RALYL: variants seen among roughly 807,000 people sequenced by gnomAD.
The protein encoded by RALYL is RNA-binding Raly-like protein.
A neutral mutation model predicts 35.1 loss-of-function variants in RALYL; 29 were observed. That is an observed-to-expected ratio of 0.83 (90% CI 0.61 to 1.13). The LOEUF is 1.13. Among genes scored for constraint, RALYL ranks in the 50% most tolerant of loss-of-function variants. RALYL has a pLI of 0.00. For missense variants in RALYL, 359 were observed against 360.4 expected (o/e 1.00, Z 0.03); for synonymous variants, 120 against 127.6 (o/e 0.94, Z 0.40).
intron 2 of RALYL, among the ~76,000 whole-genome samples, chr8:84,657,835 G>C (rs1588819747): frequency 6.6e-6 from 1 of 152,230 alleles, no homozygotes; most frequent in South Asian, 2.1e-4. Context: ...GTCAATCAGT[G>C]GGCTGGAGGA....
intron 1 of RALYL, among the ~76,000 whole-genome samples, chr8:84,464,001 CTT>C (rs1446105479): frequency 6.6e-6 from 1 of 151,962 alleles, no homozygotes; most frequent in Non-Finnish European, 1.5e-5. Context: ...GCTTCCTTCA[CTT>C]GTCATAATTC....
At chr8:84,653,325 C>G (rs1829239662) in intron 2 of RALYL, among the ~76,000 whole-genome samples, 1 of 151,982 alleles carries the variant, frequency 6.6e-6, no homozygotes, top group Admixed American at 6.6e-5. Context: ...TATAGACAAG[C>G]TGAGGATGAG....
chr8:84,910,729 A>G (rs1277591243), intron 8 of RALYL, among the ~76,000 whole-genome samples: 2 of 151,990 alleles, frequency 1.3e-5, no homozygotes, highest in African/African-American at 4.8e-5. Flanking sequence ...CAGAGAATCA[A>G]TCTTTGTTCC....
chr8:84,820,632 C>T (rs1251557804), intron 4 of RALYL, among the ~76,000 whole-genome samples: 7 of 152,192 alleles, frequency 4.6e-5, no homozygotes, highest in Middle Eastern at 3.4e-3. Flanking sequence ...GTTTGCTTCA[C>T]CTATCAACCT....
At chr8:84,762,217 C>T (rs1812883326) in intron 2 of RALYL, among the ~76,000 whole-genome samples, 1 of 152,174 alleles carries the variant, frequency 6.6e-6, no homozygotes, top group Non-Finnish European at 1.5e-5. Context: ...TCTAAACACT[C>T]TTGTTTACAC....
chr8:84,767,949 C>T (rs1814518478), intron 2 of RALYL, among the ~76,000 whole-genome samples: 3 of 152,022 alleles, frequency 2.0e-5, no homozygotes, highest in Non-Finnish European at 4.4e-5. Context: ...GTGATTAAAC[C>T]CACATCATTT....
intron 1 of RALYL, among the ~76,000 whole-genome samples, chr8:84,410,885 GACAT>G (rs2044033257): frequency 6.6e-6 from 1 of 151,528 alleles, no homozygotes; most frequent in East Asian, 1.9e-4. Flanking sequence ...CCTGGTTTAT[GACAT>G]ACATACAAAA....
At chr8:84,852,766 C>CA (rs1836141767) in intron 5 of RALYL, among the ~76,000 whole-genome samples, 1 of 152,090 alleles carries the variant, frequency 6.6e-6, no homozygotes, top group Non-Finnish European at 1.5e-5. Flanking sequence ...GTCCACAGCA[C>CA]AAAAGCAAGT....
At chr8:84,324,661 T>C (rs1007322220) in intron 1 of RALYL, among the ~76,000 whole-genome samples, 1 of 152,048 alleles carries the variant, frequency 6.6e-6, no homozygotes, top group Non-Finnish European at 1.5e-5. Context: ...GGAGTGATGC[T>C]TTTGTTTTAC....
chr8:84,552,338 GTATA>G (rs779399854), intron 2 of RALYL, among the ~76,000 whole-genome samples: 1,060 of 73,900 alleles, frequency 0.014, 37 homozygotes, highest in African/African-American at 0.056. Context: ...GGATGTGTGT[GTATA>G]TATATATATA....
At chr8:84,618,426 G>A (rs1438728283) in intron 2 of RALYL, among the ~76,000 whole-genome samples, 13 of 150,744 alleles carry the variant, frequency 8.6e-5, no homozygotes, top group African/African-American at 3.0e-4. Context: ...ATTTCTGTGG[G>A]ATTGGTGGTG....
chr8:84,696,578 C>T (rs16913111), intron 2 of RALYL, among the ~76,000 whole-genome samples: 7,895 of 151,862 alleles, frequency 0.052, 463 homozygotes, highest in African/African-American at 0.14. Context: ...TCCAGGTGGG[C>T]TTTCTATAGC....
At chr8:84,528,250 A>C (rs2059042013) in intron 1 of RALYL, among the ~76,000 whole-genome samples, 1 of 152,134 alleles carries the variant, frequency 6.6e-6, no homozygotes. Flanking sequence ...ACCTTGTTGA[A>C]ATTTTAGTTT....
intron 1 of RALYL, among the ~76,000 whole-genome samples, chr8:84,426,036 C>G (rs2046393124): frequency 6.6e-6 from 1 of 151,908 alleles, no homozygotes; most frequent in Admixed American, 6.6e-5. Context: ...CTCATATCTC[C>G]TTGAACTGAG....
chr8:84,714,973 A>C (rs183081778), intron 2 of RALYL, among the ~76,000 whole-genome samples: 3 of 147,588 alleles, frequency 2.0e-5, no homozygotes, highest in Admixed American at 2.0e-4. Flanking sequence ...CCTACAAAAA[A>C]AATGAAAGTA....
At chr8:84,888,938 T>C (rs1417420056) in intron 8 of RALYL, among the ~76,000 whole-genome samples, 1 of 152,080 alleles carries the variant, frequency 6.6e-6, no homozygotes, top group Non-Finnish European at 1.5e-5. Context: ...TTAATATAGA[T>C]GCGGTTTCAC....
At chr8:84,785,659 C>G (rs945666482) in intron 3 of RALYL, among the ~76,000 whole-genome samples, 5 of 151,884 alleles carry the variant, frequency 3.3e-5, no homozygotes, top group Non-Finnish European at 7.4e-5. Context: ...TTAAATTTTT[C>G]CAAGATGTTC....
chr8:84,522,352 T>C (rs1373670011), intron 1 of RALYL, among the ~76,000 whole-genome samples: 1 of 150,580 alleles, frequency 6.6e-6, no homozygotes, highest in Non-Finnish European at 1.5e-5. Flanking sequence ...CAGGTTCACG[T>C]CATTCTCCTG....
intron 2 of RALYL, among the ~76,000 whole-genome samples, chr8:84,548,061 T>C (rs1390717568): frequency 6.6e-6 from 1 of 152,190 alleles, no homozygotes; most frequent in African/African-American, 2.4e-5. Context: ...AAATTAGATT[T>C]TTTTTCAGGA....
Sources: allele counts gnomAD v4.1 joint callset (sites outside exome capture counted in the v4.1 genomes callset), GRCh38; gene constraint gnomAD v4.1.1; transcripts MANE v1.5; gene names NCBI Gene and HGNC (gene_info 2026-07-23, HGNC 2026-07-21).